Variants in CREBRF observed in about 807,000 individuals in gnomAD.
CREBRF encodes the protein CREB3 regulatory factor.
Under a neutral mutation model 66.1 loss-of-function variants are expected in CREBRF, and 5 were observed. The observed-to-expected ratio is 0.08, with a 90% CI of 0.04 to 0.16. The LOEUF (loss-of-function observed/expected upper bound fraction) is 0.16. Ranked by LOEUF, CREBRF falls within the 10% of genes least tolerant of loss-of-function variation. The probability of loss-of-function intolerance (pLI) is 1.00; values close to 1 mark genes in which losing one functional copy is unlikely to be tolerated. For missense variants in CREBRF, 531 were observed against 744.9 expected, an observed-to-expected ratio of 0.71 and a Z score of 3.34; for synonymous variants, 229 against 264.4, an observed-to-expected ratio of 0.87 and a Z score of 1.30.
intron 2 of CREBRF, 31 bp from the exon 3 acceptor site, chr5:173,086,470 A>C (rs757429860): frequency 1.2e-6 from 2 of 1,609,346 alleles, no homozygotes; most frequent in South Asian, 1.1e-5. Flanking sequence ...GTAGTCTTTA[A>C]CTTTCTAAAA....
At chr5:173,069,261 C>T (rs549949139) in intron 1 of CREBRF, among the ~76,000 whole-genome samples, 2 of 152,122 alleles carry the variant, frequency 1.3e-5, no homozygotes, top group Admixed American at 1.3e-4. Flanking sequence ...ACAATATCCC[C>T]ACAAAATAAT....
At chr5:173,105,879 A>G (rs1166362805) in intron 4 of CREBRF, among the ~76,000 whole-genome samples, 1 of 151,670 alleles carries the variant, frequency 6.6e-6, no homozygotes. Flanking sequence ...CGGCCTCCCA[A>G]AGTGCTGGGA....
chr5:173,120,940 G>A (rs577695552), intron 7 of CREBRF, among the ~76,000 whole-genome samples: 12 of 151,900 alleles, frequency 7.9e-5, no homozygotes, highest in Non-Finnish European at 7.4e-5. Flanking sequence ...TGATTCACCC[G>A]CCTCAGCCTC....
intron 4 of CREBRF, chr5:173,091,832 C>T (rs1758349080): frequency 2.1e-6 from 2 of 974,226 alleles, no homozygotes; most frequent in Admixed American, 6.1e-5. Flanking sequence ...CGTTAGTAAT[C>T]CCAGCACTTT....
chr5:173,089,216 AACAC>A (rs113514387), intron 3 of CREBRF, among the ~76,000 whole-genome samples: 2 of 145,668 alleles, frequency 1.4e-5, no homozygotes, highest in African/African-American at 2.5e-5. Flanking sequence ...ATACACAGAC[AACAC>A]ACACACACAC....
At position 173,062,787 on chromosome 5, in the gene CREBRF, G is replaced by T. The variant is rs565409142; in HGVS notation, c.-192+6308G>T. ...TTTTGAGACGGAGTCTTGCTCTGTCGCCCAGGCTGGAGTGCAGTGGTGGGA... is the reference window on the plus strand; with the variant it reads ...TTTTGAGACGGAGTCTTGCTCTGTCTCCCAGGCTGGAGTGCAGTGGTGGGA... On this transcript the variant is annotated intron_variant, in intron 1 of 8. Transcript: ENST00000296953. Among the ~76,000 whole-genome samples the T allele has an allele frequency of 1.0e-3, 137 of 133,478 alleles. 1 individual carries two copies. Among genetic ancestry groups the T allele is most frequent in the African/African-American group, 3.7e-3 (131 of 35,406 alleles). The allele number at this position is 133,478 out of a possible 152,430, so 87.6% of individuals were successfully genotyped here.
At chr5:173,125,415 T>C (rs1190469033) in intron 8 of CREBRF, among the ~76,000 whole-genome samples, 1 of 152,222 alleles carries the variant, frequency 6.6e-6, no homozygotes, top group Non-Finnish European at 1.5e-5. Flanking sequence ...ATGTCTTTTA[T>C]TCTCTTTTTT....
At chr5:173,129,432 A>G (rs1287197099) in intron 8 of CREBRF, among the ~76,000 whole-genome samples, 2 of 152,070 alleles carry the variant, frequency 1.3e-5, no homozygotes, top group African/African-American at 4.8e-5. Flanking sequence ...ATCTTTTTAA[A>G]ACATTTTAGC....
At chr5:173,084,794 A>G (rs1254740509) in intron 2 of CREBRF, among the ~76,000 whole-genome samples, 1 of 151,980 alleles carries the variant, frequency 6.6e-6, no homozygotes, top group African/African-American at 2.4e-5. Context: ...GGTGCCCGCC[A>G]CCACACCCGG....
chr5:173,097,106 A>G (rs1758495635), intron 4 of CREBRF, among the ~76,000 whole-genome samples: 1 of 152,140 alleles, frequency 6.6e-6, no homozygotes, highest in Admixed American at 6.5e-5. Flanking sequence ...TCATGGTAAT[A>G]CTGGCCTCAT....
chr5:173,106,254 C>A (rs1431726105), intron 4 of CREBRF, among the ~76,000 whole-genome samples: 1 of 151,574 alleles, frequency 6.6e-6, no homozygotes, highest in Non-Finnish European at 1.5e-5. Context: ...ATGGTGAAAC[C>A]CTGTCTCTAC....
chr5:173,103,853 A>G (rs1267405648), intron 4 of CREBRF, among the ~76,000 whole-genome samples: 5 of 152,228 alleles, frequency 3.3e-5, no homozygotes, highest in African/African-American at 1.2e-4. Context: ...TGTACTAACC[A>G]GAGATGTGTG....
intron 5 of CREBRF, chr5:173,110,015 G>A (rs541472343): frequency 1.9e-4 from 38 of 197,020 alleles, no homozygotes; most frequent in Non-Finnish European, 3.4e-4. Context: ...AGCAACAAAA[G>A]AAGAGCTTTT....
intron 1 of CREBRF, among the ~76,000 whole-genome samples, chr5:173,073,649 AGAT>A (rs1472561482): frequency 6.6e-6 from 1 of 152,254 alleles, no homozygotes; most frequent in African/African-American, 2.4e-5. Context: ...CATTCAACTC[AGAT>A]TAATCCAGAA....
intron 4 of CREBRF, among the ~76,000 whole-genome samples, chr5:173,097,293 T>A (rs1758501923): frequency 6.6e-6 from 1 of 152,324 alleles, no homozygotes; most frequent in African/African-American, 2.4e-5. Context: ...TCACCCAGGC[T>A]GGAGTGCAGT....
At chr5:173,118,615 T>C (rs1759063858) in intron 7 of CREBRF, among the ~76,000 whole-genome samples, 5 of 152,180 alleles carry the variant, frequency 3.3e-5, no homozygotes, top group South Asian at 2.1e-4. Flanking sequence ...CCCTTCCCCA[T>C]TGAATTGTTT....
At chr5:173,126,653 C>T (rs951871302) in intron 8 of CREBRF, among the ~76,000 whole-genome samples, 5 of 152,144 alleles carry the variant, frequency 3.3e-5, no homozygotes, top group African/African-American at 1.2e-4. Context: ...AGTGGGTAAC[C>T]TATTCGCTAT....
chr5:173,071,911 C>T (rs187205537), intron 1 of CREBRF, among the ~76,000 whole-genome samples: 59 of 151,568 alleles, frequency 3.9e-4, no homozygotes, highest in African/African-American at 1.4e-3. Context: ...AATAATTAGC[C>T]AGGCATGGTG....
chr5:173,114,674 T>C (rs1363291993), intron 7 of CREBRF, among the ~76,000 whole-genome samples: 1 of 152,236 alleles, frequency 6.6e-6, no homozygotes. Context: ...AGGGGCCCAC[T>C]ATACTACTCA....
Sources: gnomAD v4.1 joint callset for allele counts (sites outside exome capture counted in the v4.1 genomes callset) on GRCh38, gnomAD v4.1.1 for gene constraint, MANE v1.5 for transcripts, NCBI Gene and HGNC (gene_info 2026-07-23, HGNC 2026-07-21) for gene names.